INTS10: variants seen among roughly 807,000 people sequenced by gnomAD.
INTS10 encodes chromosome 8 open reading frame 35.
INTS10 carries 44 observed loss-of-function variants against 94.4 expected under a neutral mutation model. The ratio of observed to expected loss-of-function variants is 0.47; its 90% confidence interval spans 0.37 to 0.60. The LOEUF (loss-of-function observed/expected upper bound fraction) is 0.60. Among genes scored for constraint, INTS10 ranks in the 20% least tolerant of loss-of-function variants. The pLI, the probability that INTS10 is intolerant of heterozygous loss-of-function variation, is 0.00. For synonymous variants in INTS10, 341 were observed against 320.7 expected (o/e 1.06, Z -0.68); for missense variants, 797 against 868.7 (o/e 0.92, Z 1.04).
chr8:19,847,408 G>C (rs1046185904), intron 16 of INTS10, among the ~76,000 whole-genome samples: 3 of 152,266 alleles, frequency 2.0e-5, no homozygotes, highest in African/African-American at 7.2e-5. Flanking sequence ...TGGGGATAAA[G>C]ATTACCTTTG....
Position 19,818,282 on chromosome 8 carries a change from T to C in INTS10, c.137T>C (p.Met46Thr). Residue 46 changes from methionine (M) to threonine (T), a missense_variant, in exon 2 of 17, where the codon ATG becomes ACG. This residue lies in a region of INTS10 where 734 missense variants were observed against 787.8 expected (regional missense o/e 0.93). Transcript: ENST00000397977. ...YPADFNIQYE[M>T]YTIERNAERT... ...GCCTGATGTGTGTTGCAGTATGAGA[T>C]GTACACCATCGAGCGGAATGCAGAG... 1 of 1,614,146 alleles carries C rather than the reference T, an allele frequency of 6.2e-7. No homozygotes were observed. Among genetic ancestry groups the C allele is most frequent in the Non-Finnish European group, 8.5e-7 (1 of 1,180,022 alleles).
chr8:19,842,160 T>C (rs1220511814), intron 13 of INTS10, among the ~76,000 whole-genome samples: 3 of 152,112 alleles, frequency 2.0e-5, no homozygotes, highest in Admixed American at 1.3e-4. Context: ...TAGTGAAAAA[T>C]TGGAAATGTC....
Position 19,818,311 on chromosome 8 carries a change from A to ACCG in INTS10, c.169_171dup (p.Ala57dup). ...CACCATCGAGCGGAATGCAGAGCGG[A>ACCG]CCGCCACCGCCGGGAGGCTGCTGTA... On this transcript the variant is annotated inframe_insertion, in exon 2 of 17. Coordinates refer to ENST00000397977, the MANE Select transcript of INTS10 (RefSeq NM_018142.4). The ACCG allele has an allele frequency of 6.2e-7, 1 of 1,614,116 alleles. No homozygotes were observed. Among genetic ancestry groups the ACCG allele is most frequent in the Non-Finnish European group, 8.5e-7 (1 of 1,180,018 alleles).
At chr8:19,818,728 G>A (rs147195027) in intron 2 of INTS10, 1 of 186,542 alleles carries the variant, frequency 5.4e-6, no homozygotes, top group South Asian at 8.5e-5. Flanking sequence ...TAAGGTTTTG[G>A]GGGGAAGGGG....
At chr8:19,825,080 C>T (rs971151320) in intron 8 of INTS10, 108 bp downstream of exon 8, 9 of 932,684 alleles carry the variant, frequency 9.6e-6, no homozygotes, top group African/African-American at 1.7e-5. Context: ...AACTGTGGGG[C>T]AGTACCAGTC....
Position 19,823,428 on chromosome 8 carries a change from A to C in INTS10, c.651A>C (p.Glu217Asp). 1 of 1,604,092 alleles carries C rather than the reference A, an allele frequency of 6.2e-7. No individual in the cohort carries two copies. Among genetic ancestry groups the C allele is most frequent in the Non-Finnish European group, 8.5e-7 (1 of 1,171,478 alleles). ...INYVTRSTQI[E>D]NQHQGAQDTS... The stretch of plus-strand genomic sequence containing the variant: ...ATGTCACTAGGTCTACTCAAATAGA[A>C]AATCAGCATCAAGGTAAGTAGGAAT... The change falls in exon 6 of 17, where the codon GAA becomes GAC. Residue 217 changes from glutamate (E) to aspartate (D), a missense_variant. Physicochemically the swap from Glu to Asp is conservative, Grantham distance 45. Around this residue, in one of 3 missense-constraint regions of INTS10, gnomAD observed 734 missense variants for 787.8 expected, o/e 0.93. Transcript: ENST00000397977.
chr8:19,839,802 C>T (rs761355346), intron 13 of INTS10, among the ~76,000 whole-genome samples: 1 of 152,138 alleles, frequency 6.6e-6, no homozygotes, highest in Non-Finnish European at 1.5e-5. Flanking sequence ...GTGGCTCACA[C>T]CTCTAATCCC....
chr8:19,833,033 C>T, intron 11 of INTS10, 136 bp from the exon 12 acceptor site: 1 of 605,550 alleles, frequency 1.7e-6, no homozygotes, highest in Non-Finnish European at 2.6e-6. Context: ...TCCGTTTCTT[C>T]CTCAGATGAT....
At position 19,843,529 on chromosome 8, in the gene INTS10, C is replaced by T. The variant is rs879450800; in HGVS notation, c.1720-547C>T. 2.6e-5 allele frequency among the ~76,000 whole-genome samples: 4 copies of T among 152,150 alleles called. No homozygotes were observed. The highest frequency in any genetic ancestry group is 5.9e-5 in the Non-Finnish European group (4 of 68,030). ...CATCATCCATATCACTTTTTTAGGG[C>T]AACAAAAACAATTTAAAGTGTGATT... is the stretch of plus-strand genomic sequence containing the variant. On this transcript the variant is annotated intron_variant, in intron 14 of 16. Coordinates refer to ENST00000397977, the MANE Select transcript of INTS10 (RefSeq NM_018142.4). This position sits in a 1 kb window ranked among gnomAD's most constrained non-coding sequence, Gnocchi z 4.7.
intron 13 of INTS10, among the ~76,000 whole-genome samples, chr8:19,842,558 A>G (rs2068213350): frequency 6.6e-6 from 1 of 152,236 alleles, no homozygotes; most frequent in African/African-American, 2.4e-5. Context: ...TGGTGAGCAC[A>G]CCAGTGTTAT....
intron 2 of INTS10, among the ~76,000 whole-genome samples, chr8:19,819,195 A>C (rs2066175481): frequency 6.6e-6 from 1 of 152,216 alleles, no homozygotes; most frequent in Non-Finnish European, 1.5e-5. Flanking sequence ...ATTTTAAAAA[A>C]AAATTTGTAC....
rs1302580361 is a variant in INTS10 at position 19,837,108 on chromosome 8, T to C, written c.1587T>C (p.Asp529=). The change falls in exon 13 of 17, where the codon GAT becomes GAC. Residue 529 remains aspartate, a synonymous_variant. Transcript: ENST00000397977. ...LMCYMVLPIQ[D]GGKSQEEPSK... is the part of the protein sequence containing the mutation. ...GCTACATGGTACTCCCCATTCAAGA[T>C]GGAGGCAAATCCCAGGAGGAACCCT... is the stretch of plus-strand genomic sequence containing the variant. The C allele has an allele frequency of 6.2e-7, 1 of 1,614,024 alleles. No homozygotes were observed. Among genetic ancestry groups the C allele is most frequent in the Admixed American group, 1.7e-5 (1 of 60,030 alleles).
At chr8:19,818,145 C>T (rs1466780695) in intron 1 of INTS10, 130 bp from the exon 2 acceptor site, 2 of 859,876 alleles carry the variant, frequency 2.3e-6, no homozygotes, top group Admixed American at 1.8e-5. Flanking sequence ...ATGTATGTGG[C>T]GCTGTGTCAC....
intron 12 of INTS10, among the ~76,000 whole-genome samples, chr8:19,834,878 T>C (rs2067524608): frequency 6.6e-6 from 1 of 152,130 alleles, no homozygotes; most frequent in African/African-American, 2.4e-5. Flanking sequence ...AGATTCAGTG[T>C]CTGGTGAGGT....
In INTS10 at chr8:19,820,444, T is replaced by G. The variant is rs759905257; in HGVS notation, c.367T>G (p.Phe123Val). 5 of 1,613,778 alleles carry G rather than the reference T, an allele frequency of 3.1e-6. No individual in the cohort carries two copies. Among genetic ancestry groups the G allele is most frequent in the Non-Finnish European group, 4.2e-6 (5 of 1,179,666 alleles). ...GTTACTAAAGGTCACGGAACAATGC[T>G]TCAACACGTTAGAACGATCAGAAAT... ...EMLLKVTEQCFNTLERSEMLL... is the reference protein window; with the variant it reads ...EMLLKVTEQCVNTLERSEMLL... Residue 123 changes from phenylalanine (F) to valine (V), a missense_variant, in exon 4 of 17, where the codon TTC (phenylalanine) becomes GTC (valine). Transcript: ENST00000397977.
At chr8:19,833,462 T>C in intron 12 of INTS10, 141 bp downstream of exon 12, 1 of 539,300 alleles carries the variant, frequency 1.9e-6, no homozygotes, top group Non-Finnish European at 2.9e-6. Flanking sequence ...AATCTGCTAG[T>C]GAACATCACA....
chr8:19,842,603 G>A (rs915819749), intron 13 of INTS10, among the ~76,000 whole-genome samples: 4 of 152,168 alleles, frequency 2.6e-5, no homozygotes, highest in African/African-American at 9.6e-5. Flanking sequence ...TATTTGAAAT[G>A]TTTTCTCATA....
At chr8:19,845,818 T>C (rs1318174399) in intron 16 of INTS10, 21 bp downstream of exon 16, 2 of 1,530,046 alleles carry the variant, frequency 1.3e-6, no homozygotes, top group Non-Finnish European at 1.8e-6. Flanking sequence ...TCTCTTTTGC[T>C]CTTCCATGCT....
chr8:19,820,373 G>C lies in INTS10; in HGVS notation c.302-6G>C, dbSNP rs758567543. 2 of 1,604,298 alleles carry C rather than the reference G, an allele frequency of 1.2e-6. No individual in the cohort carries two copies. Among genetic ancestry groups the C allele is most frequent in the Middle Eastern group, 1.7e-4 (1 of 6,028 alleles). On this transcript the variant is annotated splice_region_variant and splice_polypyrimidine_tract_variant and intron_variant, in intron 3 of 16. Transcript: ENST00000397977. The stretch of plus-strand genomic sequence containing the variant: ...AACTTTTAAAAGTGAAATATGTTTC[G>C]TACAGGTTTATTTGAAACTCTTCCT...
Sources: gnomAD v4.1 joint callset for allele counts (sites outside exome capture counted in the v4.1 genomes callset) on GRCh38, gnomAD v4.1.1 for gene constraint, gnomAD v4.1.1 regional missense constraint, Gnocchi (gnomAD v3.1) non-coding constraint, MANE v1.5 for transcripts, NCBI Gene and HGNC (gene_info 2026-07-23, HGNC 2026-07-21) for gene names.